CDH8: variants seen among roughly 807,000 people sequenced by gnomAD.
The protein encoded by CDH8 is cadherin-8.
CDH8 carries 17 observed loss-of-function variants against 68.1 expected under a neutral mutation model. That is an observed-to-expected ratio of 0.25 (90% CI 0.17 to 0.37). CDH8 has a LOEUF of 0.37. Ranked by LOEUF, CDH8 falls within the 10% of genes least tolerant of loss-of-function variation. The pLI is 1.00. For missense variants in CDH8, 763 were observed against 999.3 expected (o/e 0.76, Z 3.19); for synonymous variants, 372 against 365.1 (o/e 1.02, Z -0.21).
intron 2 of CDH8, among the ~76,000 whole-genome samples, chr16:61,950,632 TC>T (rs975268545): frequency 6.6e-6 from 1 of 152,096 alleles, no homozygotes; most frequent in Non-Finnish European, 1.5e-5. Context: ...TTTCTTATTT[TC>T]CCCCCAAAAC....
At chr16:61,898,502 C>G (rs974306482) in intron 3 of CDH8, among the ~76,000 whole-genome samples, 1 of 151,994 alleles carries the variant, frequency 6.6e-6, no homozygotes, top group Non-Finnish European at 1.5e-5. Flanking sequence ...ATGAAGCAGA[C>G]CATGAAAAGT....
At position 61,650,037 on chromosome 16, in the gene CDH8, A is replaced by G. The variant is rs982970939; in HGVS notation, c.*3571T>C. ...TCTTCTATATATACACATACACTTA[A>G]CTGCAGATTTTTTTCAAAACAGTTT... is the stretch of plus-strand genomic sequence containing the variant. On this transcript the variant is annotated 3_prime_UTR_variant, in exon 12 of 12. Transcript: ENST00000577390. The G allele has an allele frequency of 2.0e-4, 30 of 152,020 alleles. 1 individual carries two copies. The highest frequency in any genetic ancestry group is 3.5e-4 in the Non-Finnish European group (24 of 68,012). The allele number at this position is 152,020 out of a possible 1,614,324, so 9.4% of individuals were successfully genotyped here.
intron 3 of CDH8, among the ~76,000 whole-genome samples, chr16:61,870,435 G>A (rs1014549469): frequency 7.2e-5 from 11 of 152,154 alleles, no homozygotes; most frequent in African/African-American, 2.7e-4. Context: ...CTTGTATTTA[G>A]ATTCTCCAGG....
chr16:61,664,074 A>G (rs1963621073), intron 10 of CDH8, among the ~76,000 whole-genome samples: 1 of 151,854 alleles, frequency 6.6e-6, no homozygotes, highest in Non-Finnish European at 1.5e-5. Flanking sequence ...TTTCTGAGTC[A>G]AACATCTTCC....
chr16:61,921,800 G>A (rs1964372620), intron 2 of CDH8, among the ~76,000 whole-genome samples: 2 of 152,166 alleles, frequency 1.3e-5, no homozygotes, highest in Non-Finnish European at 2.9e-5. Flanking sequence ...GGGAGGCTGA[G>A]GCAGGCAGAT....
At chr16:61,760,372 C>T (rs948832710) in intron 8 of CDH8, among the ~76,000 whole-genome samples, 3 of 151,580 alleles carry the variant, frequency 2.0e-5, no homozygotes, top group South Asian at 2.1e-4. Context: ...AGTGCAGTGG[C>T]GCAATCTCGG....
intron 8 of CDH8, among the ~76,000 whole-genome samples, chr16:61,742,712 T>G (rs1425237328): frequency 4.6e-5 from 7 of 152,192 alleles, no homozygotes; most frequent in Non-Finnish European, 1.0e-4. Flanking sequence ...GAGTTTGTTT[T>G]GCTAATATGT....
chr16:61,703,951 A>G (rs775562126), intron 10 of CDH8, among the ~76,000 whole-genome samples: 1 of 152,290 alleles, frequency 6.6e-6, no homozygotes, highest in East Asian at 1.9e-4. Context: ...AAAAGCCTCA[A>G]ATAAACACCA....
At position 61,681,965 on chromosome 16, in the gene CDH8, T is replaced by C. The variant is rs111973015; in HGVS notation, c.1655-26244A>G. Among the ~76,000 whole-genome samples the C allele has an allele frequency of 1.6e-4, 24 of 151,970 alleles. No individual in the cohort carries two copies. In the East Asian group the frequency reaches 1.9e-3, roughly 12 times the overall value. ...TTTGCAAAGGCTCTAAAAACCTTCA[T>C]TGAATCTCTGGGAAAATAATCTCTC... is the stretch of plus-strand genomic sequence containing the variant. On this transcript the variant is annotated intron_variant, in intron 10 of 11. Transcript: ENST00000577390.
intron 2 of CDH8, among the ~76,000 whole-genome samples, chr16:61,947,592 G>A (rs1421270012): frequency 6.6e-6 from 1 of 152,112 alleles, no homozygotes; most frequent in Non-Finnish European, 1.5e-5. Context: ...AAATCTGAGG[G>A]AAAGTAAAAA....
intron 8 of CDH8, among the ~76,000 whole-genome samples, chr16:61,737,124 A>G (rs912751422): frequency 7.2e-5 from 11 of 152,156 alleles, no homozygotes; most frequent in African/African-American, 2.4e-4. Context: ...CCCTTTTATA[A>G]TGAAAGGTAA....
At chr16:61,819,082 A>G (rs1443221194) in intron 6 of CDH8, among the ~76,000 whole-genome samples, 1 of 152,004 alleles carries the variant, frequency 6.6e-6, no homozygotes, top group African/African-American at 2.4e-5. Flanking sequence ...TTACTGTAAC[A>G]ATTTTGCAAT....
intron 8 of CDH8, among the ~76,000 whole-genome samples, chr16:61,782,015 T>C (rs1961071242): frequency 6.6e-6 from 1 of 152,200 alleles, no homozygotes; most frequent in South Asian, 2.1e-4. Flanking sequence ...GTGTTGAAAC[T>C]ACATATCAAC....
chr16:61,675,982 G>T (rs2142788962), intron 10 of CDH8, among the ~76,000 whole-genome samples: 1 of 151,574 alleles, frequency 6.6e-6, no homozygotes, highest in South Asian at 2.1e-4. Context: ...GACAGTTTAA[G>T]ATAAAAAATA....
chr16:61,832,955 G>A (rs1267170995), intron 4 of CDH8, among the ~76,000 whole-genome samples: 3 of 151,404 alleles, frequency 2.0e-5, no homozygotes, highest in African/African-American at 7.3e-5. Flanking sequence ...TTTTTCATCT[G>A]TCTATAAGAA....
intron 7 of CDH8, among the ~76,000 whole-genome samples, chr16:61,813,598 C>T (rs1474281083): frequency 6.6e-6 from 1 of 152,162 alleles, no homozygotes; most frequent in Admixed American, 6.5e-5. Context: ...AGCCTGGTCT[C>T]CAGTTCCGTG....
intron 3 of CDH8, among the ~76,000 whole-genome samples, chr16:61,864,903 G>A (rs1205296166): frequency 3.3e-5 from 5 of 152,120 alleles, no homozygotes; most frequent in African/African-American, 1.2e-4. Flanking sequence ...AATCAGTCTT[G>A]CCATTTAGAA....
At chr16:61,835,148 C>T (rs1409666012) in intron 4 of CDH8, among the ~76,000 whole-genome samples, 3 of 151,832 alleles carry the variant, frequency 2.0e-5, no homozygotes, top group Non-Finnish European at 2.9e-5. Flanking sequence ...TATATATTAA[C>T]CTCTATATGC....
intron 7 of CDH8, among the ~76,000 whole-genome samples, chr16:61,811,043 A>G (rs1376688451): frequency 6.9e-6 from 1 of 145,566 alleles, no homozygotes; most frequent in Non-Finnish European, 1.5e-5. Flanking sequence ...AAAAAAAAAA[A>G]GAAGACTAGT....
Sources: gnomAD v4.1 joint callset for allele counts (sites outside exome capture counted in the v4.1 genomes callset) on GRCh38, gnomAD v4.1.1 for gene constraint, MANE v1.5 for transcripts, NCBI Gene and HGNC (gene_info 2026-07-23, HGNC 2026-07-21) for gene names.